The following IL18RAP variants were observed in gnomAD, a reference collection of about 807,000 sequenced individuals.
The protein encoded by IL18RAP is interleukin-18 receptor accessory protein.
IL18RAP carries 37 observed loss-of-function variants against 58.1 expected under a neutral mutation model. The ratio of observed to expected loss-of-function variants is 0.64; its 90% CI spans 0.49 to 0.84. The LOEUF (loss-of-function observed/expected upper bound fraction) is 0.84, where lower values mean the gene tolerates loss of function less well. Ranked by LOEUF, IL18RAP falls within the 40% of genes least tolerant of loss-of-function variation. The probability of loss-of-function intolerance (pLI) is 0.00; values close to 1 mark genes in which losing one functional copy is unlikely to be tolerated. For synonymous variants in IL18RAP, 268 were observed against 257.5 expected, an observed-to-expected ratio of 1.04 and a Z score of -0.39; for missense variants, 667 against 704.8, an observed-to-expected ratio of 0.95 and a Z score of 0.61.
At chr2:102,441,795 G>A (rs531762290) in intron 5 of IL18RAP, among the ~76,000 whole-genome samples, 5 of 152,192 alleles carry the variant, frequency 3.3e-5, no homozygotes, top group African/African-American at 1.2e-4. Context: ...TGACAAGGCA[G>A]GAGAATCACC....
chr2:102,426,893 A>G (rs1681984007), intron 3 of IL18RAP, among the ~76,000 whole-genome samples: 1 of 152,114 alleles, frequency 6.6e-6, no homozygotes, highest in African/African-American at 2.4e-5. Flanking sequence ...TTTGACCAGT[A>G]TCTCCCCATT....
Position 102,424,062 on chromosome 2 carries a change from A to G in IL18RAP, c.322A>G (p.Lys108Glu), listed in dbSNP as rs1379128525. ...RKSYPHIIQD[K>E]CTLHFLTPGV... ...AAGCTATCCTCACATCATTCAGGAC[A>G]AATGTACCCTTCACTTTTTGACCCC... The change falls in exon 2 of 10, where the codon AAA becomes GAA. Residue 108 changes from lysine (K) to glutamate (E), a missense_variant. Coordinates refer to ENST00000687160, the MANE Select transcript of IL18RAP (RefSeq NM_001393487.1). 6 of 1,614,150 alleles carry G rather than the reference A, an allele frequency of 3.7e-6. No individual in the cohort carries two copies. Among genetic ancestry groups the G allele is most frequent in the Non-Finnish European group, 8.5e-7 (1 of 1,179,992 alleles).
chr2:102,446,970 G>C (rs1683459319), intron 7 of IL18RAP, 100 bp from the exon 8 acceptor site: 1 of 1,242,498 alleles, frequency 8.0e-7, no homozygotes, highest in Middle Eastern at 2.8e-4. Flanking sequence ...AAATAATAGA[G>C]CTGGAAAAGG....
chr2:102,421,457 T>A (rs1010593422), upstream of IL18RAP, among the ~76,000 whole-genome samples: 4 of 152,158 alleles, frequency 2.6e-5, no homozygotes, highest in Non-Finnish European at 5.9e-5. Flanking sequence ...TGCCCAGGCT[T>A]GCTGCTTAGG....
chr2:102,429,012 A>G (rs950117641), intron 3 of IL18RAP, among the ~76,000 whole-genome samples: 1 of 151,896 alleles, frequency 6.6e-6, no homozygotes, highest in Non-Finnish European at 1.5e-5. Flanking sequence ...TTATTGATTC[A>G]TGTATATTGA....
intron 3 of IL18RAP, among the ~76,000 whole-genome samples, chr2:102,428,845 T>C (rs536550380): frequency 2.6e-4 from 39 of 152,062 alleles, no homozygotes; most frequent in African/African-American, 9.1e-4. Flanking sequence ...GTTTGTCATA[T>C]ATGGCCTTTA....
At chr2:102,420,498 T>C (rs1198477961), upstream of IL18RAP, among the ~76,000 whole-genome samples, 1 of 152,072 alleles carries the variant, frequency 6.6e-6, no homozygotes, top group South Asian at 2.1e-4. Context: ...AGTTGGTGGG[T>C]GGGTGCATCA....
chr2:102,423,253 G>A lies in IL18RAP; in HGVS notation c.-25G>A. 1 of 1,610,950 alleles carries A rather than the reference G, an allele frequency of 6.2e-7. No individual in the cohort carries two copies. Among genetic ancestry groups the A allele is most frequent in the Non-Finnish European group, 8.5e-7 (1 of 1,177,110 alleles). On this transcript the variant is annotated 5_prime_UTR_variant, in exon 1 of 10. The change creates a new upstream start codon in the 5' untranslated region. Coordinates refer to ENST00000687160, the MANE Select transcript of IL18RAP (RefSeq NM_001393487.1). ...CTGGCAAAGGAATGAAGTTATTGGA[G>A]TGATGACAGGAACACGGGAGAACAA...
chr2:102,436,886 A>G (rs1020578700), intron 3 of IL18RAP, among the ~76,000 whole-genome samples: 3 of 152,022 alleles, frequency 2.0e-5, no homozygotes, highest in African/African-American at 7.2e-5. Context: ...CCCTTAGAAC[A>G]CTACAGGTCT....
At chr2:102,449,021 C>T (rs1386015951) in intron 8 of IL18RAP, among the ~76,000 whole-genome samples, 1 of 138,844 alleles carries the variant, frequency 7.2e-6, no homozygotes, top group East Asian at 2.1e-4. Flanking sequence ...GTAATCCCAG[C>T]ACTTTGGGAG....
In IL18RAP at chr2:102,447,200, G is replaced by A. The variant is rs201945830; in HGVS notation, c.1203G>A (p.Thr401=). ...LYRTYQSKDQ[T]LGDKKDFDAF... ...GGACCTACCAGAGCAAGGATCAGAC[G>A]CTTGGGGGTAAGTTTACCTCCACAT... The change falls in exon 8 of 10, where the codon ACG becomes ACA. Residue 401 remains threonine, a synonymous_variant. Coordinates refer to ENST00000687160, the MANE Select transcript of IL18RAP (RefSeq NM_001393487.1). The A allele has an allele frequency of 2.4e-5, 38 of 1,613,382 alleles. No individual in the cohort carries two copies. The highest frequency in any genetic ancestry group is 2.9e-5 in the Non-Finnish European group (34 of 1,179,584).
chr2:102,440,939 T>C (rs1400138533), intron 4 of IL18RAP, among the ~76,000 whole-genome samples: 1 of 152,300 alleles, frequency 6.6e-6, no homozygotes, highest in African/African-American at 2.4e-5. Flanking sequence ...ACTTGCACAG[T>C]TTCTTGGGTG....
chr2:102,442,346 T>G (rs1267317407), intron 5 of IL18RAP, among the ~76,000 whole-genome samples: 1 of 151,948 alleles, frequency 6.6e-6, no homozygotes, highest in East Asian at 1.9e-4. Flanking sequence ...ACTAAAACAT[T>G]TATTATTTTA....
chr2:102,432,944 TA>T (rs1259699408), intron 3 of IL18RAP, among the ~76,000 whole-genome samples: 1 of 152,252 alleles, frequency 6.6e-6, no homozygotes, highest in Non-Finnish European at 1.5e-5. Flanking sequence ...AAATAATAGT[TA>T]CATGTAATGT....
At chr2:102,443,447 G>C in intron 6 of IL18RAP, 124 bp downstream of exon 6, 12 of 1,074,672 alleles carry the variant, frequency 1.1e-5, no homozygotes, top group East Asian at 2.7e-5. Context: ...GAAAATAAAA[G>C]CACAAAAATG....
At chr2:102,448,670 G>T (rs1454114207) in intron 8 of IL18RAP, among the ~76,000 whole-genome samples, 1 of 152,118 alleles carries the variant, frequency 6.6e-6, no homozygotes, top group Non-Finnish European at 1.5e-5. Flanking sequence ...ATAAAGACCG[G>T]CATGGGAGGC....
At chr2:102,438,174 C>T (rs1682874261) in intron 4 of IL18RAP, among the ~76,000 whole-genome samples, 3 of 152,102 alleles carry the variant, frequency 2.0e-5, no homozygotes, top group South Asian at 4.1e-4. Flanking sequence ...CTAACCTTTC[C>T]CTTGGGTCGT....
At chr2:102,437,714 T>C (rs762712573) in intron 4 of IL18RAP, among the ~76,000 whole-genome samples, 1 of 152,216 alleles carries the variant, frequency 6.6e-6, no homozygotes, top group Admixed American at 6.5e-5. Context: ...CTTCAAATCA[T>C]AATTTTTTTT....
chr2:102,428,644 C>T (rs527606327), intron 3 of IL18RAP, among the ~76,000 whole-genome samples: 31 of 152,018 alleles, frequency 2.0e-4, no homozygotes, highest in African/African-American at 7.2e-4. Flanking sequence ...GAGATCATGT[C>T]ACCAACAAAT....
Sources: allele counts gnomAD v4.1 joint callset (sites outside exome capture counted in the v4.1 genomes callset), GRCh38; gene constraint gnomAD v4.1.1; transcripts MANE v1.5; gene names NCBI Gene and HGNC (gene_info 2026-07-23, HGNC 2026-07-21).